The following CDKL5 variants were observed in gnomAD, a reference collection of about 807,000 sequenced individuals.
The protein encoded by CDKL5 is cyclin-dependent kinase-like 5.
A neutral mutation model predicts 61.7 loss-of-function variants in CDKL5; 8 were observed. The observed-to-expected ratio is 0.13, with a 90% CI of 0.08 to 0.23. The LOEUF (loss-of-function observed/expected upper bound fraction) is 0.23, where lower values mean the gene tolerates loss of function less well. Ranked by LOEUF, CDKL5 falls within the 10% of genes least tolerant of loss-of-function variation. CDKL5 has a pLI of 1.00. For missense variants in CDKL5, 440 were observed against 734.5 expected, an observed-to-expected ratio of 0.60 and a Z score of 4.63; for synonymous variants, 275 against 272.3, an observed-to-expected ratio of 1.01 and a Z score of -0.10.
At chrX:18,450,720 A>C (rs1018073860) in intron 1 of CDKL5, among the ~76,000 whole-genome samples, 2 of 110,871 alleles carry the variant, frequency 1.8e-5, no homozygotes, top group African/African-American at 6.6e-5. Flanking sequence ...AATTACAGGC[A>C]TCCGCCACCA....
At chrX:18,447,202 C>T (rs1311234531) in intron 1 of CDKL5, among the ~76,000 whole-genome samples, 1 of 109,500 alleles carries the variant, frequency 9.1e-6, no homozygotes, top group Non-Finnish European at 1.9e-5. Flanking sequence ...ACAGGACAGC[C>T]CCATGACAAA....
intron 3 of CDKL5, among the ~76,000 whole-genome samples, chrX:18,517,488 C>G (rs1254149546): frequency 1.8e-5 from 2 of 111,365 alleles, no homozygotes; most frequent in African/African-American, 6.5e-5. Context: ...ATAATTAGTT[C>G]AAAGAAGAGA....
intron 1 of CDKL5, among the ~76,000 whole-genome samples, chrX:18,439,044 T>TG (rs1403601315): frequency 0.038 from 432 of 11,512 alleles, 7 homozygotes; most frequent in African/African-American, 0.071. Flanking sequence ...TGCCCCTTTT[T>TG]GCCCCCCCCC....
chrX:18,594,652 C>T (rs987380252), intron 9 of CDKL5, among the ~76,000 whole-genome samples: 4 of 111,739 alleles, frequency 3.6e-5, no homozygotes, highest in Non-Finnish European at 5.7e-5. Context: ...TCTGCTAGAC[C>T]CTCAATTACT....
chrX:18,635,723 G>A lies in CDKL5; in HGVS notation c.*6966G>A, dbSNP rs1313653639. 9 of 454,234 alleles carry A rather than the reference G, an allele frequency of 2.0e-5. No homozygotes were observed. Among genetic ancestry groups the A allele is most frequent in the Non-Finnish European group, 2.5e-5 (9 of 366,580 alleles). 37.4% of individuals were successfully genotyped at this position (454,234 alleles called of 1,213,427 possible). On this transcript the variant is annotated 3_prime_UTR_variant, in exon 18 of 18. Coordinates refer to ENST00000623535, the MANE Select transcript of CDKL5 (RefSeq NM_001323289.2). The stretch of plus-strand genomic sequence containing the variant: ...CTCACGTGGTAGTTTGAGGAGGATG[G>A]GAAGAGAGGCCAATCTTGTGCTAAG...
intron 3 of CDKL5, among the ~76,000 whole-genome samples, chrX:18,564,168 TG>T (rs1281005127): frequency 2.7e-5 from 3 of 111,830 alleles, no homozygotes; most frequent in African/African-American, 9.8e-5. Context: ...ACACTCATCC[TG>T]GCACTTTTGA....
intron 1 of CDKL5, among the ~76,000 whole-genome samples, chrX:18,487,923 GA>G (rs753248377): frequency 1.8e-5 from 2 of 110,635 alleles, no homozygotes; most frequent in South Asian, 3.9e-4. Flanking sequence ...CTCGGGGGAA[GA>G]AAAAAAATCA....
chrX:18,612,916 C>T (rs893549084), intron 14 of CDKL5, among the ~76,000 whole-genome samples: 6 of 108,667 alleles, frequency 5.5e-5, no homozygotes, highest in East Asian at 5.8e-4. Flanking sequence ...AGTAGGATAA[C>T]GTGAAAACTG....
intron 1 of CDKL5, among the ~76,000 whole-genome samples, chrX:18,462,211 A>G (rs1393958230): frequency 9.1e-6 from 1 of 110,365 alleles, no homozygotes; most frequent in African/African-American, 3.3e-5. Context: ...GTAAAGCTTC[A>G]TGGAAGGGTT....
At chrX:18,532,564 A>G (rs1301582007) in intron 3 of CDKL5, among the ~76,000 whole-genome samples, 1 of 111,899 alleles carries the variant, frequency 8.9e-6, no homozygotes, top group Admixed American at 9.5e-5. Flanking sequence ...TATGCTGCCA[A>G]TGGTTTATTT....
intron 10 of CDKL5, among the ~76,000 whole-genome samples, chrX:18,598,206 A>G (rs1318748085): frequency 9.0e-6 from 1 of 111,350 alleles, no homozygotes; most frequent in Non-Finnish European, 1.9e-5. Flanking sequence ...AGGATACAAA[A>G]CTGTGTATAT....
chrX:18,563,428 G>A (rs1924867381), intron 3 of CDKL5, among the ~76,000 whole-genome samples: 1 of 111,631 alleles, frequency 9.0e-6, no homozygotes, highest in Admixed American at 9.5e-5. Context: ...CTTTAAGTCA[G>A]AAGATCCATT....
chrX:18,492,687 A>G (rs773705903), intron 1 of CDKL5, among the ~76,000 whole-genome samples: 229 of 110,959 alleles, frequency 2.1e-3, no homozygotes, highest in Admixed American at 3.7e-3. Flanking sequence ...TCCCAAATCT[A>G]TTCATTTCTC....
At chrX:18,618,454 A>C (rs1926786087) in intron 15 of CDKL5, among the ~76,000 whole-genome samples, 1 of 110,777 alleles carries the variant, frequency 9.0e-6, no homozygotes, top group Admixed American at 9.7e-5. Flanking sequence ...ATTCCAGAAA[A>C]CCCCACTCTT....
At chrX:18,559,455 C>CA (rs2147128582) in intron 3 of CDKL5, among the ~76,000 whole-genome samples, 1 of 110,398 alleles carries the variant, frequency 9.1e-6, no homozygotes, top group African/African-American at 3.3e-5. Flanking sequence ...GATCCGCCCA[C>CA]CTCGGCCTCT....
chrX:18,594,534 A>G (rs1015103343), intron 9 of CDKL5, among the ~76,000 whole-genome samples: 6 of 112,351 alleles, frequency 5.3e-5, no homozygotes, highest in African/African-American at 1.9e-4. Flanking sequence ...CCTTTTAGGT[A>G]CTGGCCACTT....
At chrX:18,594,455 A>C (rs1223308322) in intron 9 of CDKL5, among the ~76,000 whole-genome samples, 1 of 112,523 alleles carries the variant, frequency 8.9e-6, no homozygotes, top group East Asian at 2.8e-4. Context: ...ATTTGAAAAC[A>C]GGTCATTGTA....
intron 15 of CDKL5, among the ~76,000 whole-genome samples, chrX:18,616,116 A>G (rs1330336038): frequency 8.9e-6 from 1 of 111,801 alleles, no homozygotes. Flanking sequence ...GTTCAAGGTA[A>G]TACTACAGTA....
chrX:18,443,288 G>T, intron 1 of CDKL5, among the ~76,000 whole-genome samples: 1 of 111,916 alleles, frequency 8.9e-6, no homozygotes, highest in Non-Finnish European at 1.9e-5. Flanking sequence ...CCAGAATTTT[G>T]GGTTAATTCC....
Sources: allele counts gnomAD v4.1 joint callset (sites outside exome capture counted in the v4.1 genomes callset), GRCh38; gene constraint gnomAD v4.1.1; transcripts MANE v1.5; gene names NCBI Gene and HGNC (gene_info 2026-07-23, HGNC 2026-07-21).